The following PPRC1 variants were observed in gnomAD, a reference collection of about 807,000 sequenced individuals.
PPRC1 encodes the protein PPARG related coactivator 1, also known as peroxisome proliferator-activated receptor gamma coactivator-related protein 1.
Under a neutral mutation model 132.5 loss-of-function variants are expected in PPRC1, and 23 were observed. The observed-to-expected ratio is 0.17, with a 90% CI of 0.12 to 0.25. PPRC1 has a LOEUF of 0.25. Ranked by LOEUF, PPRC1 falls within the 10% of genes least tolerant of loss-of-function variation. PPRC1 has a pLI of 1.00. For missense variants in PPRC1, 2,006 were observed against 2,089.1 expected (o/e 0.96, Z 0.78); for synonymous variants, 872 against 833.5 (o/e 1.05, Z -0.80).
chr10:102,144,197 GC>G (rs2069120488), intron 6 of PPRC1, 52 bp from the exon 7 acceptor site: 1 of 1,569,944 alleles, frequency 6.4e-7, no homozygotes, highest in South Asian at 1.1e-5. Flanking sequence ...CTTCTGTGCC[GC>G]CTCAGTCTAG....
In PPRC1 at chr10:102,148,385, TC is replaced by T. The variant is rs1448805658; in HGVS notation, c.4416del (p.Ser1473LeufsTer67). On this transcript the variant is annotated frameshift_variant, in exon 10 of 14. Coordinates refer to ENST00000278070, the MANE Select transcript of PPRC1 (RefSeq NM_015062.5). LOFTEE classifies it high-confidence loss of function. This position sits in a 1 kb window ranked among gnomAD's most constrained non-coding sequence, Gnocchi z 4.2. The part of the protein sequence containing the change: ...HKRWRRSSCS[S>X]SGRSRRCSSS... ...CTTATCCTTCAGGTCCAGCTGTAGT[TC>T]CTCTGGACGTTCTCGAAGATGCTCT... 2 of 1,613,288 alleles carry T rather than the reference TC, an allele frequency of 1.2e-6. No individual in the cohort carries two copies. Among genetic ancestry groups the T allele is most frequent in the South Asian group, 1.1e-5 (1 of 91,038 alleles).
At chr10:102,130,132 T>C (rs2068517879), upstream of PPRC1, among the ~76,000 whole-genome samples, 1 of 151,982 alleles carries the variant, frequency 6.6e-6, no homozygotes, top group African/African-American at 2.4e-5. Flanking sequence ...TAAGAAACAA[T>C]TAGGCTGGGC....
the PPRC1 span, among the ~76,000 whole-genome samples, chr10:102,125,619 G>A: frequency 6.6e-6 from 1 of 151,966 alleles, no homozygotes. Flanking sequence ...CAGGCAGGAG[G>A]TACTGAGAAG....
At chr10:102,147,878 A>AG (rs1211674716) in intron 9 of PPRC1, among the ~76,000 whole-genome samples, 1 of 152,114 alleles carries the variant, frequency 6.6e-6, no homozygotes, top group Non-Finnish European at 1.5e-5. Flanking sequence ...CACTTAATGA[A>AG]GAATTCTTGG....
chr10:102,128,699 G>A (rs1160402466), upstream of PPRC1, among the ~76,000 whole-genome samples: 1 of 148,744 alleles, frequency 6.7e-6, no homozygotes, highest in Non-Finnish European at 1.5e-5. Flanking sequence ...TGCAAGCTCT[G>A]CCTCCTGGGT....
chr10:102,141,455 G>A lies in PPRC1; in HGVS notation c.2947G>A (p.Gly983Arg), dbSNP rs749367477. 1.1e-5 allele frequency: 17 copies of A among 1,613,752 alleles called. No individual in the cohort carries two copies. The highest frequency in any genetic ancestry group is 1.4e-5 in the Non-Finnish European group (17 of 1,179,990). The change falls in exon 5 of 14, where the codon GGA becomes AGA. Residue 983 changes from glycine to arginine, a missense_variant. Around this residue, in one of 2 missense-constraint regions of PPRC1, gnomAD observed 1,914 missense variants for 1,917.2 expected, o/e 1.00. Transcript: ENST00000278070. ...YSSTCTYGPL[G>R]WGPGPQHAPF... ...TTCCACATGTACCTATGGGCCCTTG[G>A]GATGGGGCCCAGGGCCTCAACATGC...
At position 102,150,171 on chromosome 10, in the gene PPRC1, T is replaced by G; in HGVS notation, c.*142T>G. On this transcript the variant is annotated 3_prime_UTR_variant, in exon 14 of 14. Transcript: ENST00000278070. ...GGAAAAAAGTGAAATAAAAAATATG[T>G]TGAATCAGATTTTTTAAAAGGGGTA... 1 of 625,446 alleles carries G rather than the reference T, an allele frequency of 1.6e-6. No individual in the cohort carries two copies. The highest frequency in any genetic ancestry group is 2.8e-6 in the Non-Finnish European group (1 of 357,812). 38.7% of individuals were successfully genotyped at this position (625,446 alleles called of 1,614,324 possible).
rs2069359782 is a variant in PPRC1, at chr10:102,148,429, A to G, written c.4458A>G (p.Ser1486=). 3.1e-6 allele frequency: 5 copies of G among 1,611,756 alleles called. No individual in the cohort carries two copies. In the East Asian group the frequency reaches 8.9e-5, roughly 29 times the overall value. ...SRRCSSSSSS[S]SSSSSSSSSS... ...GATGCTCTTCCTCTTCTTCGTCATC[A>G]TCTTCCTCTTCGTCTTCCTCATCCT... is the stretch of plus-strand genomic sequence containing the variant. Residue 1486 remains serine (S), a synonymous_variant, in exon 10 of 14, where the codon TCA becomes TCG. Transcript: ENST00000278070. This position sits in a 1 kb window ranked among gnomAD's most constrained non-coding sequence, Gnocchi z 4.2.
chr10:102,145,809 G>T (rs983111378), intron 8 of PPRC1, among the ~76,000 whole-genome samples: 1 of 152,160 alleles, frequency 6.6e-6, no homozygotes, highest in Non-Finnish European at 1.5e-5. Context: ...AGCTTGCAGT[G>T]AGCTGAGATT....
chr10:102,139,754 T>C lies in PPRC1; in HGVS notation c.1246T>C (p.Leu416=), dbSNP rs764525256. 2.2e-5 allele frequency: 35 copies of C among 1,614,034 alleles called. No homozygotes were observed. Among genetic ancestry groups the C allele is most frequent in the Admixed American group, 5.0e-5 (3 of 60,000 alleles). Residue 416 remains leucine, a synonymous_variant, in exon 5 of 14, where the codon TTG becomes CTG. Coordinates refer to ENST00000278070, the MANE Select transcript of PPRC1 (RefSeq NM_015062.5). Reference sequence around the variant, plus strand: ...CTGCTCTGAGAAAGAGGGGTTGTCATTGAACTCAGAGGAGAAGCTGGACTC... The same window carrying C: ...CTGCTCTGAGAAAGAGGGGTTGTCACTGAACTCAGAGGAGAAGCTGGACTC... The part of the protein sequence containing the change: ...TLCSEKEGLS[L]NSEEKLDSAC...
intron 8 of PPRC1, among the ~76,000 whole-genome samples, chr10:102,145,854 G>A (rs1182766105): frequency 2.0e-5 from 3 of 152,058 alleles, no homozygotes; most frequent in African/African-American, 7.2e-5. Context: ...GACAGGGCAA[G>A]ACTCTGTCTT....
At chr10:102,145,963 T>C (rs1314355468) in intron 8 of PPRC1, among the ~76,000 whole-genome samples, 1 of 152,116 alleles carries the variant, frequency 6.6e-6, no homozygotes, top group Non-Finnish European at 1.5e-5. Flanking sequence ...TCCCCTAAGC[T>C]GAGGCTTGAG....
At chr10:102,135,442 G>C (rs577911262) in intron 1 of PPRC1, among the ~76,000 whole-genome samples, 1 of 152,262 alleles carries the variant, frequency 6.6e-6, no homozygotes, top group African/African-American at 2.4e-5. Flanking sequence ...GCAGTGGTGT[G>C]ATCTTGGCTC....
chr10:102,133,064 C>T lies in PPRC1; in HGVS notation c.-5C>T, dbSNP rs1264142780. On this transcript the variant is annotated 5_prime_UTR_variant, in exon 1 of 14. Coordinates refer to ENST00000278070, the MANE Select transcript of PPRC1 (RefSeq NM_015062.5). ...CAGAGCAGCGCTGGGTGTTCAGGGG[C>T]CAAGATGGCGGCGCGCCGGGGACGG... 3.2e-6 allele frequency: 4 copies of T among 1,241,456 alleles called. No homozygotes were observed. The highest frequency in any genetic ancestry group is 8.2e-5 in the South Asian group (2 of 24,356). 76.9% of individuals were successfully genotyped at this position (1,241,456 alleles called of 1,614,324 possible).
At chr10:102,128,982 T>C (rs2068503044), upstream of PPRC1, among the ~76,000 whole-genome samples, 1 of 129,188 alleles carries the variant, frequency 7.7e-6, no homozygotes, top group African/African-American at 3.0e-5. Context: ...CAGGCTGGAG[T>C]GCAGTGGCGC....
the PPRC1 span, among the ~76,000 whole-genome samples, chr10:102,123,892 G>C: frequency 7.1e-6 from 1 of 141,060 alleles, no homozygotes; most frequent in Admixed American, 7.3e-5. Context: ...CCAGGCTGGA[G>C]TGCAATGGCG....
the PPRC1 span, chr10:102,120,267 G>T: frequency 1.0e-6 from 1 of 983,574 alleles, no homozygotes; most frequent in Non-Finnish European, 1.2e-6. Flanking sequence ...CCCTGGCTGC[G>T]GCGAGGGGCC....
intron 1 of PPRC1, among the ~76,000 whole-genome samples, chr10:102,136,459 C>G (rs919735403): frequency 6.6e-6 from 1 of 152,044 alleles, no homozygotes; most frequent in Non-Finnish European, 1.5e-5. Flanking sequence ...CTTCATGTTT[C>G]CTATGCGGTA....
At chr10:102,133,882 G>T (rs2068620351) in intron 1 of PPRC1, among the ~76,000 whole-genome samples, 1 of 151,604 alleles carries the variant, frequency 6.6e-6, no homozygotes, top group Admixed American at 6.6e-5. Context: ...GAGCCTTGGA[G>T]GTTTTTTTTT....
Sources: allele counts gnomAD v4.1 joint callset (sites outside exome capture counted in the v4.1 genomes callset), GRCh38; gene constraint gnomAD v4.1.1; regional missense constraint gnomAD v4.1.1; non-coding constraint Gnocchi (gnomAD v3.1); transcripts MANE v1.5; gene names NCBI Gene and HGNC (gene_info 2026-07-23, HGNC 2026-07-21).